Variants in DAB2IP observed in about 807,000 individuals in gnomAD.
DAB2IP encodes the protein disabled homolog 2-interacting protein.
DAB2IP carries 28 observed loss-of-function variants against 107.2 expected under a neutral mutation model. The observed-to-expected ratio is 0.26, with a 90% confidence interval of 0.19 to 0.36. The LOEUF (loss-of-function observed/expected upper bound fraction) is 0.36. Ranked by LOEUF, DAB2IP falls within the 10% of genes least tolerant of loss-of-function variation. DAB2IP has a pLI of 1.00. For missense variants in DAB2IP, 1,400 were observed against 1,644.7 expected, an observed-to-expected ratio of 0.85 and a Z score of 2.57; for synonymous variants, 755 against 706.4, an observed-to-expected ratio of 1.07 and a Z score of -1.09.
In DAB2IP at chr9:121,600,309, A is replaced by G. The variant is rs541398720; in HGVS notation, c.40+33081A>G. The stretch of plus-strand genomic sequence containing the variant: ...CCAATCCTAAATTATCAGGGAGGCG[A>G]TTGGCAGGGCTGGGTCGTTGAAGTG... On this transcript the variant is annotated intron_variant, in intron 1 of 16. Transcript: ENST00000259371. Among the ~76,000 whole-genome samples the G allele has an allele frequency of 2.5e-3, 384 of 152,264 alleles. 2 individuals carry two copies. Among genetic ancestry groups the G allele is most frequent in the Middle Eastern group, 3.4e-3 (1 of 294 alleles).
chr9:121,707,912 A>G (rs1830142644), intron 3 of DAB2IP, among the ~76,000 whole-genome samples: 1 of 152,036 alleles, frequency 6.6e-6, no homozygotes, highest in Non-Finnish European at 1.5e-5. Context: ...CCTCTTTCCA[A>G]CTTCACCACA....
rs548636107 is a variant in DAB2IP at position 121,635,323 on chromosome 9, T to TC, written c.41-43353dup. On this transcript the variant is annotated intron_variant, in intron 1 of 16. Transcript: ENST00000259371. The surrounding 1 kb of genome is among the most constrained non-coding windows in gnomAD (Gnocchi z 4.3). The stretch of plus-strand genomic sequence containing the variant: ...GACCCCCCACAAACTCATTTCAGTC[T>TC]CCAACATCTTGTGAGGAAGTTAATT... 2.0e-5 allele frequency among the ~76,000 whole-genome samples: 3 copies of TC among 152,336 alleles called. No homozygotes were observed. In the South Asian group the frequency reaches 6.2e-4, roughly 32 times the overall value.
At chr9:121,602,524 A>G (rs10985329) in intron 1 of DAB2IP, among the ~76,000 whole-genome samples, 52,221 of 151,980 alleles carry the variant, frequency 0.34, 9,232 homozygotes, top group South Asian at 0.44. Flanking sequence ...CTCTTTAGTA[A>G]CTGCGACTAC....
At chr9:121,621,813 AT>A (rs60287073) in intron 1 of DAB2IP, among the ~76,000 whole-genome samples, 31 of 143,182 alleles carry the variant, frequency 2.2e-4, no homozygotes, top group South Asian at 4.5e-4. Flanking sequence ...CACCTGGCTA[AT>A]TTTTTTTTTT....
rs943039036 is a variant in DAB2IP at position 121,688,233 on chromosome 9, A to G, written c.228+9452A>G. Among the ~76,000 whole-genome samples, 6 of 152,208 alleles carry G rather than the reference A, an allele frequency of 3.9e-5. No homozygotes were observed. The East Asian group carries it at 9.6e-4, about 24-fold the overall frequency. ...AAGTGGTATTTTGGTGGGATTACAG[A>G]CATAATTATATCTGAGTTGTCAAGC... is the stretch of plus-strand genomic sequence containing the variant. On this transcript the variant is annotated intron_variant, in intron 2 of 15. Transcript: ENST00000408936.
At chr9:121,759,135 A>G in intron 5 of DAB2IP, 139 bp downstream of exon 5, 2 of 780,410 alleles carry the variant, frequency 2.6e-6, no homozygotes, top group Admixed American at 2.2e-5. Context: ...CGAGTGGACA[A>G]TATTGGTGGA....
At chr9:121,703,312 G>A (rs1016004511) in intron 3 of DAB2IP, among the ~76,000 whole-genome samples, 5 of 152,212 alleles carry the variant, frequency 3.3e-5, no homozygotes, top group African/African-American at 1.2e-4. Flanking sequence ...CTGACAGTAA[G>A]TGCAGGCAGG....
At chr9:121,598,659 C>T (rs1830585824) in intron 1 of DAB2IP, 1 of 152,296 alleles carries the variant, frequency 6.6e-6, no homozygotes, top group African/African-American at 2.4e-5. Flanking sequence ...GCGCCCTCGC[C>T]CTACGCGGGC....
intron 1 of DAB2IP, among the ~76,000 whole-genome samples, chr9:121,671,659 A>G (rs1355262557): frequency 6.6e-6 from 1 of 152,224 alleles, no homozygotes; most frequent in East Asian, 1.9e-4. Context: ...TAAGTGGATT[A>G]CACACCATTT....
chr9:121,715,575 G>C (rs1159676576), intron 3 of DAB2IP, among the ~76,000 whole-genome samples: 1 of 151,946 alleles, frequency 6.6e-6, no homozygotes, highest in Non-Finnish European at 1.5e-5. Context: ...GGATGGTGTC[G>C]ATCTCCTGAC....
chr9:121,751,898 G>T, intron 3 of DAB2IP: 1 of 985,066 alleles, frequency 1.0e-6, no homozygotes, highest in Non-Finnish European at 1.2e-6. Flanking sequence ...CCTAGCCATG[G>T]CCTTGGCTGT....
Position 121,740,381 on chromosome 9 carries a change from C to T in DAB2IP, c.363-16632C>T, listed in dbSNP as rs555321240. Among the ~76,000 whole-genome samples, 14 of 152,272 alleles carry T rather than the reference C, an allele frequency of 9.2e-5. No homozygotes were observed. In the East Asian group the frequency reaches 2.5e-3, roughly 27 times the overall value. On this transcript the variant is annotated intron_variant, in intron 3 of 15. Transcript: ENST00000408936. ...TGAGTCTGTTGACCCTGTGTTCCCC[C>T]CGTCAGCCCCTTTCCTTACACCAGT... is the stretch of plus-strand genomic sequence containing the variant.
At chr9:121,720,230 A>C (rs988526832) in intron 3 of DAB2IP, among the ~76,000 whole-genome samples, 2 of 152,102 alleles carry the variant, frequency 1.3e-5, no homozygotes, top group African/African-American at 4.8e-5. Flanking sequence ...AGGGTGTGGC[A>C]GTTGTCTGTG....
chr9:121,783,246 T>C (rs1835785923), exon 16 of DAB2IP: 3 of 1,276,142 alleles, frequency 2.4e-6, no homozygotes, highest in Admixed American at 3.3e-5. Flanking sequence ...CTCTTGTCCC[T>C]GTGGGGAGGA....
At chr9:121,581,790 AGTAGGCAG>A (rs1179648947) in intron 1 of DAB2IP, among the ~76,000 whole-genome samples, 1 of 152,192 alleles carries the variant, frequency 6.6e-6, no homozygotes, top group Non-Finnish European at 1.5e-5. Context: ...GTCCCAGTAA[AGTAGGCAG>A]GAACCATGGG....
chr9:121,773,423 C>G (rs747516460), exon 12 of DAB2IP: 5 of 1,560,942 alleles, frequency 3.2e-6, no homozygotes, highest in Non-Finnish European at 3.5e-6. Context: ...GCCCCAGTAC[C>G]CGCCTGAGGC....
chr9:121,599,696 C>T lies in DAB2IP; in HGVS notation c.40+32468C>T, dbSNP rs1830626595. On this transcript the variant is annotated intron_variant, in intron 1 of 16. Transcript: ENST00000259371. This position sits in a 1 kb window ranked among gnomAD's most constrained non-coding sequence, Gnocchi z 6.9. ...ACCGCGACTCCGCCGCTTCGCAACC[C>T]TGGCCCTGGGCCGCTCAGGCTCCGG... Among the ~76,000 whole-genome samples the T allele has an allele frequency of 6.6e-6, 1 of 152,148 alleles. No homozygotes were observed. The highest frequency in any genetic ancestry group is 2.1e-4 in the South Asian group (1 of 4,826).
At chr9:121,742,604 C>G (rs1297019247) in intron 3 of DAB2IP, among the ~76,000 whole-genome samples, 4 of 152,204 alleles carry the variant, frequency 2.6e-5, no homozygotes, top group Non-Finnish European at 5.9e-5. Context: ...CAGGCCCTGC[C>G]CACCCTTGCC....
At chr9:121,598,922 A>C (rs1830596487) in intron 1 of DAB2IP, among the ~76,000 whole-genome samples, 1 of 152,212 alleles carries the variant, frequency 6.6e-6, no homozygotes, top group Admixed American at 6.5e-5. Flanking sequence ...ACGCTTGCTG[A>C]AGCGGGTCGC....
Sources: allele counts gnomAD v4.1 joint callset (sites outside exome capture counted in the v4.1 genomes callset), GRCh38; gene constraint gnomAD v4.1.1; non-coding constraint Gnocchi (gnomAD v3.1); transcripts MANE v1.5; gene names NCBI Gene and HGNC (gene_info 2026-07-23, HGNC 2026-07-21).